The following DPP9 variants were observed in gnomAD, a reference collection of about 807,000 sequenced individuals.
DPP9 encodes dipeptidyl peptidase 9.
A neutral mutation model predicts 110.7 loss-of-function variants in DPP9; 50 were observed. The ratio of observed to expected loss-of-function variants is 0.45; its 90% CI spans 0.36 to 0.57. The LOEUF is 0.57. Among genes scored for constraint, DPP9 ranks in the 20% least tolerant of loss-of-function variants. The probability of loss-of-function intolerance (pLI) is 0.00; values close to 1 mark genes in which losing one functional copy is unlikely to be tolerated. For missense variants in DPP9, 1,022 were observed against 1,217.9 expected (o/e 0.84, Z 2.39); for synonymous variants, 561 against 514.4 (o/e 1.09, Z -1.23).
At chr19:4,717,581 T>C (rs1291841695) in intron 3 of DPP9, 1 of 152,208 alleles carries the variant, frequency 6.6e-6, no homozygotes, top group Non-Finnish European at 1.5e-5. Context: ...GCGTGGCTTG[T>C]TTTCATTGCA....
rs112664136 is a variant in DPP9, at chr19:4,707,890, T to C, written c.314-1920A>G. ...ATCTGCCCACCTTGGCCTCCCAAAA[T>C]GCTGGGATAACAGGCATGAGCCACC... On this transcript the variant is annotated intron_variant, in intron 4 of 21. Coordinates refer to ENST00000262960, the MANE Select transcript of DPP9 (RefSeq NM_139159.5). 3.9e-3 allele frequency among the ~76,000 whole-genome samples: 587 copies of C among 151,924 alleles called. 6 individuals carry two copies. Among genetic ancestry groups the C allele is most frequent in the African/African-American group, 0.013 (555 of 41,408 alleles).
intron 13 of DPP9, among the ~76,000 whole-genome samples, chr19:4,692,215 T>C (rs775506469): frequency 2.0e-5 from 3 of 152,096 alleles, no homozygotes; most frequent in Non-Finnish European, 2.9e-5. Flanking sequence ...GACTTCATGT[T>C]TGAATTTTCA....
intron 18 of DPP9, 129 bp from the exon 19 acceptor site, chr19:4,683,758 T>C: frequency 6.3e-7 from 1 of 1,589,948 alleles, no homozygotes; most frequent in Non-Finnish European, 8.5e-7. Context: ...AAGCCCCCTG[T>C]CCTTCCAGGC....
chr19:4,684,442 C>A lies in DPP9; in HGVS notation c.2178+221G>T, dbSNP rs1219255051. The A allele has an allele frequency of 6.8e-6, 4 of 586,900 alleles. No homozygotes were observed. In the Admixed American group the frequency reaches 1.2e-4, roughly 18 times the overall value. The allele number at this position is 586,900 out of a possible 1,614,324, so 36.4% of individuals were successfully genotyped here. A position where few individuals can be genotyped will look rare whatever the true frequency, so the allele number is the denominator to read the frequency against. On this transcript the variant is annotated intron_variant, in intron 18 of 21. Coordinates refer to ENST00000262960, the MANE Select transcript of DPP9 (RefSeq NM_139159.5). This position sits in a 1 kb window ranked among gnomAD's most constrained non-coding sequence, Gnocchi z 4.8. ...ACCGTCGTCATCACCAGTGTCAGCA[C>A]AACTTGTCTCTGTCCCTGCAGGGCG...
intron 19 of DPP9, 26 bp downstream of exon 19, chr19:4,683,451 T>G: frequency 6.2e-7 from 1 of 1,611,746 alleles, no homozygotes; most frequent in East Asian, 2.2e-5. Flanking sequence ...GGGGCGTGGC[T>G]GAGGCCGGCC....
Position 4,689,034 on chromosome 19 carries a change from C to T in DPP9, c.1750-142G>A. The T allele has an allele frequency of 9.4e-7, 1 of 1,069,160 alleles. No homozygotes were observed. The highest frequency in any genetic ancestry group is 1.2e-6 in the Non-Finnish European group (1 of 801,882). 66.2% of individuals were successfully genotyped at this position (1,069,160 alleles called of 1,614,324 possible). On this transcript the variant is annotated intron_variant, in intron 15 of 21. Transcript: ENST00000262960. The surrounding 1 kb of genome is among the most constrained non-coding windows in gnomAD (Gnocchi z 7.0). Reference sequence around the variant, plus strand: ...CCTGTCATGAAACCTCAAAGCTCCACCCGCTGCTGCAAGGGGGGCACCACT... The same window carrying T: ...CCTGTCATGAAACCTCAAAGCTCCATCCGCTGCTGCAAGGGGGGCACCACT...
intron 20 of DPP9, among the ~76,000 whole-genome samples, chr19:4,680,246 A>AG (rs2089643708): frequency 6.6e-6 from 1 of 151,344 alleles, no homozygotes; most frequent in Non-Finnish European, 1.5e-5. Context: ...AAAAAAAAAA[A>AG]AAAAAAAAAG....
rs556557943 is a variant in DPP9, at chr19:4,704,923, G to A, written c.427-619C>T. On this transcript the variant is annotated intron_variant, in intron 5 of 21. Coordinates refer to ENST00000262960, the MANE Select transcript of DPP9 (RefSeq NM_139159.5). This position sits in a 1 kb window ranked among gnomAD's most constrained non-coding sequence, Gnocchi z 6.0. ...CTGAGGCAGAAGAATCACTTGAACC[G>A]GGAGGCAGAGGTTGCAGTGAGCCGA... 2.2e-4 allele frequency among the ~76,000 whole-genome samples: 33 copies of A among 152,234 alleles called. No individual in the cohort carries two copies. The highest frequency in any genetic ancestry group is 5.3e-4 in the African/African-American group (22 of 41,544).
At chr19:4,697,421 G>A (rs1292339823) in intron 11 of DPP9, 130 bp downstream of exon 11, 8 of 725,808 alleles carry the variant, frequency 1.1e-5, no homozygotes, top group Non-Finnish European at 1.6e-5. Context: ...GCCTGTCCTG[G>A]CGGTTGCACT....
intron 21 of DPP9, chr19:4,679,376 A>C (rs1213796347): frequency 6.2e-6 from 1 of 162,510 alleles, no homozygotes; most frequent in Non-Finnish European, 1.3e-5. Context: ...CGGTCCCCCA[A>C]GCCTGGCTGG....
chr19:4,703,263 G>A (rs1419652040), intron 7 of DPP9, among the ~76,000 whole-genome samples: 1 of 152,104 alleles, frequency 6.6e-6, no homozygotes, highest in Non-Finnish European at 1.5e-5. Context: ...GTGTGCAGGG[G>A]CAGAAATGCC....
chr19:4,703,391 G>A (rs931190559), intron 7 of DPP9, among the ~76,000 whole-genome samples: 1 of 151,410 alleles, frequency 6.6e-6, no homozygotes, highest in Non-Finnish European at 1.5e-5. Context: ...TTGGGAGGCC[G>A]AGGCAGGTAG....
At position 4,694,388 on chromosome 19, in the gene DPP9, T is replaced by C; in HGVS notation, c.1516+273A>G. The stretch of plus-strand genomic sequence containing the variant: ...CACAGGTGGTGGGCCGGATTTGACC[T>C]GTGGGCCGTAGGTGGCCAACCCCTG... On this transcript the variant is annotated intron_variant, in intron 13 of 21. Transcript: ENST00000262960. This position sits in a 1 kb window ranked among gnomAD's most constrained non-coding sequence, Gnocchi z 4.0. 1.9e-6 allele frequency: 1 copy of C among 527,826 alleles called. No individual in the cohort carries two copies. Among genetic ancestry groups the C allele is most frequent in the South Asian group, 3.0e-5 (1 of 33,328 alleles). 32.7% of individuals were successfully genotyped at this position (527,826 alleles called of 1,614,324 possible). A position where few individuals can be genotyped will look rare whatever the true frequency, so the allele number is the denominator to read the frequency against.
intron 20 of DPP9, among the ~76,000 whole-genome samples, 159 bp from the exon 21 acceptor site, chr19:4,680,105 C>G (rs1050804902): frequency 3.3e-5 from 5 of 152,012 alleles, no homozygotes; most frequent in Non-Finnish European, 7.4e-5. Context: ...GGCATGGTGG[C>G]AGGTGCCTGA....
At chr19:4,706,993 C>T (rs946168043) in intron 4 of DPP9, among the ~76,000 whole-genome samples, 2 of 152,194 alleles carry the variant, frequency 1.3e-5, no homozygotes, top group African/African-American at 4.8e-5. Flanking sequence ...GTGACAACCA[C>T]ACATATCCCC....
Position 4,684,782 on chromosome 19 carries a change from C to G in DPP9, c.2059G>C (p.Gly687Arg). 6.2e-7 allele frequency: 1 copy of G among 1,600,092 alleles called. No individual in the cohort carries two copies. The highest frequency in any genetic ancestry group is 8.5e-7 in the Non-Finnish European group (1 of 1,173,928). The change falls in exon 18 of 22, where the codon GGC becomes CGC. Residue 687 changes from glycine to arginine, a missense_variant. By Grantham distance (125) the Gly-to-Arg change is moderately radical. Around this residue, in one of 3 missense-constraint regions of DPP9, gnomAD observed 209 missense variants for 280.4 expected, o/e 0.75. Coordinates refer to ENST00000262960, the MANE Select transcript of DPP9 (RefSeq NM_139159.5). This position sits in a 1 kb window ranked among gnomAD's most constrained non-coding sequence, Gnocchi z 4.8. The stretch of plus-strand genomic sequence containing the variant: ...GTGTTGAGCCGCAAGTACTTGATGC[C>G]TTTGAAGGAGTTATTCACCAGCTGC... ...QVQLVNNSFKGIKYLRLNTLA... is the reference protein window; with the variant it reads ...QVQLVNNSFKRIKYLRLNTLA...
intron 4 of DPP9, among the ~76,000 whole-genome samples, chr19:4,708,633 C>CA (rs1382888884): frequency 6.6e-6 from 1 of 152,208 alleles, no homozygotes; most frequent in African/African-American, 2.4e-5. Flanking sequence ...ATGTCCTTTG[C>CA]AGGGACATAG....
At position 4,685,433 on chromosome 19, in the gene DPP9, C is replaced by T. The variant is rs748685400; in HGVS notation, c.2031+193G>A. Reference sequence around the variant, plus strand: ...CCAGGAAGGGCGGGGAGCGTGCAAACGGGCACAGAGAAAGGAGGGTGAGGG... The same window carrying T: ...CCAGGAAGGGCGGGGAGCGTGCAAATGGGCACAGAGAAAGGAGGGTGAGGG... On this transcript the variant is annotated intron_variant, in intron 17 of 21. Transcript: ENST00000262960. This position sits in a 1 kb window ranked among gnomAD's most constrained non-coding sequence, Gnocchi z 5.8. 9 of 681,382 alleles carry T rather than the reference C, an allele frequency of 1.3e-5. No individual in the cohort carries two copies. Among genetic ancestry groups the T allele is most frequent in the South Asian group, 3.2e-5 (2 of 62,404 alleles). The allele number at this position is 681,382 out of a possible 1,614,324, so 42.2% of individuals were successfully genotyped here.
intron 21 of DPP9, chr19:4,679,226 C>T (rs1438087581): frequency 1.3e-5 from 2 of 152,976 alleles, no homozygotes; most frequent in African/African-American, 4.8e-5. Context: ...AGCCCCGTCC[C>T]TCTGCAGAAG....
Sources: gnomAD v4.1 joint callset for allele counts (sites outside exome capture counted in the v4.1 genomes callset) on GRCh38, gnomAD v4.1.1 for gene constraint, gnomAD v4.1.1 regional missense constraint, Gnocchi (gnomAD v3.1) non-coding constraint, MANE v1.5 for transcripts, NCBI Gene and HGNC (gene_info 2026-07-23, HGNC 2026-07-21) for gene names.